SERINC5: variants seen among roughly 807,000 people sequenced by gnomAD.
The protein encoded by SERINC5 is chromosome 5 open reading frame 12.
In SERINC5, 41 loss-of-function variants were observed where a neutral mutation model predicts 63.1. That is an observed-to-expected ratio of 0.65 (90% CI 0.51 to 0.84). The LOEUF (loss-of-function observed/expected upper bound fraction) is 0.84, where lower values mean the gene tolerates loss of function less well. SERINC5 is among the 40% of genes least tolerant of loss of function. The pLI, the probability that SERINC5 is intolerant of heterozygous loss-of-function variation, is 0.00. For synonymous variants in SERINC5, 222 were observed against 215.2 expected (o/e 1.03, Z -0.28); for missense variants, 523 against 573.0 (o/e 0.91, Z 0.89).
chr5:80,195,560 T>C (rs1196841627), intron 2 of SERINC5, among the ~76,000 whole-genome samples: 1 of 152,154 alleles, frequency 6.6e-6, no homozygotes, highest in Non-Finnish European at 1.5e-5. Flanking sequence ...TCAGGCATTT[T>C]TGGATCCCTG....
At chr5:80,238,815 C>T (rs1274335611) in intron 1 of SERINC5, among the ~76,000 whole-genome samples, 1 of 150,646 alleles carries the variant, frequency 6.6e-6, no homozygotes, top group Non-Finnish European at 1.5e-5. Context: ...AAAACCCAAT[C>T]CGAGATTCAA....
intron 1 of SERINC5, among the ~76,000 whole-genome samples, chr5:80,204,002 A>C (rs1373786717): frequency 6.6e-6 from 1 of 152,228 alleles, no homozygotes; most frequent in African/African-American, 2.4e-5. Flanking sequence ...AATGGGATTC[A>C]GAGCTTCCAG....
chr5:80,172,225 G>A (rs114245482), intron 5 of SERINC5, among the ~76,000 whole-genome samples: 1 of 152,118 alleles, frequency 6.6e-6, no homozygotes, highest in African/African-American at 2.4e-5. Context: ...AGCTACTTGA[G>A]TGGCTGAATC....
chr5:80,123,687 T>C (rs1744632567), intron 11 of SERINC5, among the ~76,000 whole-genome samples: 1 of 152,186 alleles, frequency 6.6e-6, no homozygotes, highest in African/African-American at 2.4e-5. Context: ...AAAACAAAGT[T>C]AAGCAAAATG....
intron 5 of SERINC5, among the ~76,000 whole-genome samples, chr5:80,170,256 A>T (rs1009847904): frequency 6.6e-6 from 1 of 152,230 alleles, no homozygotes; most frequent in African/African-American, 2.4e-5. Context: ...TTCCATGGAC[A>T]GGGAGCTAGA....
intron 1 of SERINC5, among the ~76,000 whole-genome samples, chr5:80,241,941 T>A (rs531477535): frequency 6.6e-6 from 1 of 150,742 alleles, no homozygotes; most frequent in Admixed American, 6.6e-5. Context: ...CTGGGCAACA[T>A]AGTAAGACCG....
At chr5:80,236,952 C>A (rs891081922) in intron 1 of SERINC5, among the ~76,000 whole-genome samples, 1 of 151,980 alleles carries the variant, frequency 6.6e-6, no homozygotes, top group African/African-American at 2.4e-5. Flanking sequence ...CAGGTTCAAG[C>A]GATTCTCCTG....
chr5:80,152,979 CTA>C (rs1166932845), intron 8 of SERINC5, among the ~76,000 whole-genome samples: 1 of 152,144 alleles, frequency 6.6e-6, no homozygotes, highest in African/African-American at 2.4e-5. Flanking sequence ...ATATTCTACT[CTA>C]TAAATTCTTT....
chr5:80,137,164 C>CAAAAAAA (rs796274001), downstream of SERINC5, among the ~76,000 whole-genome samples: 1 of 79,082 alleles, frequency 1.3e-5, no homozygotes, highest in Non-Finnish European at 2.9e-5. Flanking sequence ...AAAAAAAAAA[C>CAAAAAAA]AAAAAAAACA....
chr5:80,143,627 T>C lies in SERINC5; in HGVS notation c.*36A>G. 6.5e-7 allele frequency: 1 copy of C among 1,531,598 alleles called. No homozygotes were observed. The highest frequency in any genetic ancestry group is 8.7e-7 in the Non-Finnish European group (1 of 1,143,666). 94.9% of individuals were successfully genotyped at this position (1,531,598 alleles called of 1,614,324 possible). A position where few individuals can be genotyped will look rare whatever the true frequency, so the allele number is the denominator to read the frequency against. On this transcript the variant is annotated 3_prime_UTR_variant, in exon 12 of 12. Coordinates refer to ENST00000507668, the MANE Select transcript of SERINC5 (RefSeq NM_001174072.3). The stretch of plus-strand genomic sequence containing the variant: ...GTTCAAAAGATGGCACTTTCCAGGC[T>C]GTAGGCCCACAAAGCCCAGGGGACC...
In SERINC5 at chr5:80,142,433, A is replaced by G; in HGVS notation, c.*1230T>C. ...TTTTTAATAGAGACAGGGTTTCACC[A>G]TGTTAGCCAGGCTGGTCTTGCAACT... On this transcript the variant is annotated 3_prime_UTR_variant, in exon 12 of 12. Transcript: ENST00000507668. The G allele has an allele frequency of 1.1e-6, 1 of 932,198 alleles. No homozygotes were observed. The highest frequency in any genetic ancestry group is 1.3e-6 in the Non-Finnish European group (1 of 781,502). 57.7% of individuals were successfully genotyped at this position (932,198 alleles called of 1,614,324 possible).
chr5:80,201,163 G>T (rs376147451), intron 2 of SERINC5, among the ~76,000 whole-genome samples: 1 of 152,264 alleles, frequency 6.6e-6, no homozygotes, highest in South Asian at 2.1e-4. Context: ...TTCAGCACAG[G>T]TTGGGGCAAA....
At position 80,226,043 on chromosome 5, in the gene SERINC5, GA is replaced by G. The variant is rs57623969; in HGVS notation, c.28-22991del. Among the ~76,000 whole-genome samples, 1,188 of 145,716 alleles carry G rather than the reference GA, an allele frequency of 8.2e-3. 18 individuals are homozygous for G. The highest frequency in any genetic ancestry group is 0.026 in the African/African-American group (1,048 of 39,682). Reference sequence around the variant, plus strand: ...GACCTTTCATTTAATCTCCCCAAAGGAAAAAAAAAAACCACCCCCCTGCCTT... The same window carrying G: ...GACCTTTCATTTAATCTCCCCAAAGGAAAAAAAAAACCACCCCCCTGCCTT... On this transcript the variant is annotated intron_variant, in intron 1 of 11. Coordinates refer to ENST00000507668, the MANE Select transcript of SERINC5 (RefSeq NM_001174072.3).
At chr5:80,193,028 A>T (rs145318546) in intron 2 of SERINC5, among the ~76,000 whole-genome samples, 1 of 152,232 alleles carries the variant, frequency 6.6e-6, no homozygotes, top group Admixed American at 6.5e-5. Flanking sequence ...CCTGAGGGCC[A>T]GCTCTATGGG....
At position 80,177,303 on chromosome 5, in the gene SERINC5, C is replaced by T. The variant is rs773469896; in HGVS notation, c.457+12G>A. On this transcript the variant is annotated intron_variant, in intron 4 of 11. Transcript: ENST00000507668. ...ACAAAATAAACAGATACCCAAAATA[C>T]CCCATTAGTACCGTTCAGAAAGGTG... 4.2e-5 allele frequency: 66 copies of T among 1,586,830 alleles called. No homozygotes were observed. Among genetic ancestry groups the T allele is most frequent in the Non-Finnish European group, 4.3e-5 (50 of 1,161,094 alleles).
chr5:80,227,218 A>G (rs1751208417), intron 1 of SERINC5, among the ~76,000 whole-genome samples: 1 of 152,202 alleles, frequency 6.6e-6, no homozygotes, highest in African/African-American at 2.4e-5. Context: ...TTATAATCAG[A>G]AAAAATTTTA....
chr5:80,164,910 G>GTTTTTTTTTTTTTTTTTTTTTT (rs70982026), intron 7 of SERINC5, among the ~76,000 whole-genome samples: 6 of 85,192 alleles, frequency 7.0e-5, no homozygotes, highest in Admixed American at 1.7e-4. Context: ...CTTTTTTTCT[G>GTTTTTTTTTTTTTTTTTTTTTT]TTTTTTTTTT....
intron 8 of SERINC5, among the ~76,000 whole-genome samples, chr5:80,151,666 G>T (rs955493942): frequency 6.6e-6 from 1 of 152,112 alleles, no homozygotes; most frequent in Non-Finnish European, 1.5e-5. Context: ...CAAAAACACA[G>T]AACATTTTAA....
rs769873829 is a variant in SERINC5, at chr5:80,150,917, C to A, written c.1018G>T (p.Ala340Ser). The A allele has an allele frequency of 1.2e-6, 2 of 1,613,480 alleles. No homozygotes were observed. Among genetic ancestry groups the A allele is most frequent in the South Asian group, 1.1e-5 (1 of 91,076 alleles). The part of the protein sequence containing the change: ...LTSTTRSSSD[A>S]LQGRYAAPEL... ...GGAGCTGCGTATCGCCCCTGCAGAGCGTCAGAACTCGATCTTGTTGTTGAT... is the reference window on the plus strand; with the variant it reads ...GGAGCTGCGTATCGCCCCTGCAGAGAGTCAGAACTCGATCTTGTTGTTGAT... Residue 340 changes from alanine (A) to serine (S), a missense_variant, in exon 9 of 12, where the codon GCT becomes TCT. Physicochemically the swap from Ala to Ser is moderately conservative, Grantham distance 99. Transcript: ENST00000507668.
Sources: gnomAD v4.1 joint callset for allele counts (sites outside exome capture counted in the v4.1 genomes callset) on GRCh38, gnomAD v4.1.1 for gene constraint, MANE v1.5 for transcripts, NCBI Gene and HGNC (gene_info 2026-07-23, HGNC 2026-07-21) for gene names.